SAMD5: variants seen among roughly 807,000 people sequenced by gnomAD.
SAMD5 encodes sterile alpha motif domain-containing protein 5.
A neutral mutation model predicts 11.3 loss-of-function variants in SAMD5; 13 were observed. That is an observed-to-expected ratio of 1.15 (90% CI 0.75 to 1.83). The LOEUF (loss-of-function observed/expected upper bound fraction) is 1.83, where lower values mean the gene tolerates loss of function less well. SAMD5 is among the 40% of genes most tolerant of loss of function. The probability of loss-of-function intolerance (pLI) is 0.00; values close to 1 mark genes in which losing one functional copy is unlikely to be tolerated. For missense variants in SAMD5, 255 were observed against 239.1 expected (o/e 1.07, Z -0.44); for synonymous variants, 129 against 111.3 (o/e 1.16, Z -1.00).
At chr6:147,893,070 C>G in the SAMD5 span, among the ~76,000 whole-genome samples, 21 of 151,900 alleles carry the variant, frequency 1.4e-4, no homozygotes, top group East Asian at 3.9e-3. Context: ...AAAACTTAGG[C>G]GGGCATGGTA....
At chr6:147,935,072 G>T in the SAMD5 span, among the ~76,000 whole-genome samples, 1 of 152,174 alleles carries the variant, frequency 6.6e-6, no homozygotes, top group Non-Finnish European at 1.5e-5. Flanking sequence ...GGTTCGTAAC[G>T]TGCAATGTGA....
chr6:147,859,423 A>C, the SAMD5 span, among the ~76,000 whole-genome samples: 1 of 152,234 alleles, frequency 6.6e-6, no homozygotes, highest in Non-Finnish European at 1.5e-5. Flanking sequence ...TGTGTCTAGC[A>C]TAGCCCTGTT....
chr6:147,519,596 T>G (rs1282181656), intron 1 of SAMD5, among the ~76,000 whole-genome samples: 2 of 152,344 alleles, frequency 1.3e-5, no homozygotes, highest in Non-Finnish European at 2.9e-5. Flanking sequence ...CATTTTTATA[T>G]ATCATGGTGT....
At chr6:147,644,207 A>T (rs913387648) in intron 1 of SAMD5, among the ~76,000 whole-genome samples, 6 of 152,168 alleles carry the variant, frequency 3.9e-5, no homozygotes, top group African/African-American at 1.2e-4. Context: ...AACTGTTTTT[A>T]AAAAACAAAA....
the SAMD5 span, among the ~76,000 whole-genome samples, chr6:147,951,056 A>T: frequency 3.2e-4 from 48 of 150,796 alleles, no homozygotes; most frequent in African/African-American, 1.1e-3. Flanking sequence ...ACTTAAAAAA[A>T]TTTTTCTCCC....
At chr6:147,795,552 A>G in the SAMD5 span, among the ~76,000 whole-genome samples, 18 of 150,658 alleles carry the variant, frequency 1.2e-4, no homozygotes, top group Non-Finnish European at 2.4e-4. Flanking sequence ...TTATAGCAGC[A>G]TGATTTATAG....
intron 1 of SAMD5, among the ~76,000 whole-genome samples, chr6:147,610,391 A>C (rs968313933): frequency 6.6e-6 from 1 of 152,198 alleles, no homozygotes; most frequent in African/African-American, 2.4e-5. Flanking sequence ...CACTCCTGAG[A>C]GCAATTGCCA....
intron 1 of SAMD5, among the ~76,000 whole-genome samples, chr6:147,609,263 G>C (rs960486913): frequency 9.2e-5 from 14 of 152,166 alleles, no homozygotes; most frequent in Admixed American, 1.3e-4. Flanking sequence ...TCTGGGGCCA[G>C]ACCCACATAC....
rs566477828 is a variant in SAMD5 at position 147,602,798 on chromosome 6, C to A, written c.162+93411C>A. On this transcript the variant is annotated intron_variant, in intron 1 of 1. Transcript: ENST00000566741. ...CAACCAAACAAAAAAAAAACTCACC[C>A]AATAAAATAGAGTAGTTCTAGAATA... is the stretch of plus-strand genomic sequence containing the variant. 2.7e-3 allele frequency among the ~76,000 whole-genome samples: 414 copies of A among 151,312 alleles called. 3 individuals are homozygous for A. The highest frequency in any genetic ancestry group is 9.4e-3 in the African/African-American group (388 of 41,234).
Position 147,509,074 on chromosome 6 carries a change from C to T in SAMD5, c.146C>T (p.Pro49Leu). ...CTGGATGCCATCGGGGTGCTGGCGC[C>T]CGCGCACCGCCGCCGTATCCTGGAG... Reference protein sequence around the residue: ...PDLDAIGVLAPAHRRRILEAV... With the variant: ...PDLDAIGVLALAHRRRILEAV... The change falls in exon 1 of 2, where the codon CCC becomes CTC. Residue 49 changes from proline (P) to leucine (L), a missense_variant. Coordinates refer to ENST00000367474, the MANE Select transcript of SAMD5 (RefSeq NM_001030060.3). The T allele has an allele frequency of 1.3e-6, 2 of 1,599,880 alleles. No homozygotes were observed. Among genetic ancestry groups the T allele is most frequent in the Non-Finnish European group, 1.7e-6 (2 of 1,174,504 alleles).
the SAMD5 span, among the ~76,000 whole-genome samples, chr6:147,787,420 G>A: frequency 6.6e-6 from 1 of 152,132 alleles, no homozygotes; most frequent in Non-Finnish European, 1.5e-5. Flanking sequence ...AATAATTTGA[G>A]CTGAAGCCTT....
intron 1 of SAMD5, among the ~76,000 whole-genome samples, chr6:147,647,702 A>G (rs1015786156): frequency 6.6e-6 from 1 of 152,212 alleles, no homozygotes; most frequent in Non-Finnish European, 1.5e-5. Context: ...AGCAGCCTTC[A>G]TTAGGGCTTC....
chr6:147,837,392 G>A, the SAMD5 span, among the ~76,000 whole-genome samples: 197 of 152,250 alleles, frequency 1.3e-3, 2 homozygotes, highest in South Asian at 6.0e-3. Context: ...AAGCCAACTC[G>A]CTCATGGCAC....
At chr6:147,631,098 A>C (rs1790143338) in intron 1 of SAMD5, among the ~76,000 whole-genome samples, 1 of 152,124 alleles carries the variant, frequency 6.6e-6, no homozygotes, top group African/African-American at 2.4e-5. Flanking sequence ...TAGGGGCAGC[A>C]TGGGAACCTA....
At chr6:147,647,344 G>A (rs908589208) in intron 1 of SAMD5, among the ~76,000 whole-genome samples, 1 of 152,086 alleles carries the variant, frequency 6.6e-6, no homozygotes, top group African/African-American at 2.4e-5. Flanking sequence ...GGATGATCAA[G>A]ATGAGGTTAA....
At chr6:147,634,000 A>C (rs931896650) in intron 1 of SAMD5, among the ~76,000 whole-genome samples, 2 of 151,958 alleles carry the variant, frequency 1.3e-5, no homozygotes, top group African/African-American at 4.8e-5. Flanking sequence ...CCCCAACCCC[A>C]ACCCTCAGAA....
the SAMD5 span, among the ~76,000 whole-genome samples, chr6:147,807,304 C>T: frequency 6.6e-6 from 1 of 151,934 alleles, no homozygotes; most frequent in Non-Finnish European, 1.5e-5. Context: ...AGGGTTACAG[C>T]GTGTTAGCCA....
the SAMD5 span, among the ~76,000 whole-genome samples, chr6:147,884,645 C>G: frequency 1.2e-5 from 1 of 85,916 alleles, no homozygotes; most frequent in African/African-American, 6.0e-5. Flanking sequence ...TTTTAAAAAA[C>G]TTTCAACCTT....
At chr6:147,869,139 A>G in the SAMD5 span, among the ~76,000 whole-genome samples, 1 of 152,212 alleles carries the variant, frequency 6.6e-6, no homozygotes, top group East Asian at 1.9e-4. Flanking sequence ...TTTCTGAGAA[A>G]GAAATTTCTC....
Sources: allele counts gnomAD v4.1 joint callset (sites outside exome capture counted in the v4.1 genomes callset), GRCh38; gene constraint gnomAD v4.1.1; transcripts MANE v1.5; gene names NCBI Gene and HGNC (gene_info 2026-07-23, HGNC 2026-07-21).